Variants in SH3BP4 observed in about 807,000 individuals in gnomAD.
The protein encoded by SH3BP4 is SH3 domain binding protein 4.
SH3BP4 carries 33 observed loss-of-function variants against 65.5 expected under a neutral mutation model. That is an observed-to-expected ratio of 0.50 (90% CI 0.38 to 0.67). The LOEUF (loss-of-function observed/expected upper bound fraction) is 0.67, where lower values mean the gene tolerates loss of function less well. Among genes scored for constraint, SH3BP4 ranks in the 30% least tolerant of loss-of-function variants. The probability of loss-of-function intolerance (pLI) is 0.00; values close to 1 mark genes in which losing one functional copy is unlikely to be tolerated. For synonymous variants in SH3BP4, 552 were observed against 545.5 expected (o/e 1.01, Z -0.17); for missense variants, 1,134 against 1,261.4 (o/e 0.90, Z 1.53).
chr2:234,979,211 T>C (rs1447055281), intron 1 of SH3BP4, among the ~76,000 whole-genome samples: 2 of 152,204 alleles, frequency 1.3e-5, no homozygotes, highest in Non-Finnish European at 2.9e-5. Flanking sequence ...TAGCCACTAC[T>C]CAGGCCAAGA....
chr2:234,994,212 A>AG (rs1028504237), intron 1 of SH3BP4, among the ~76,000 whole-genome samples: 9 of 152,016 alleles, frequency 5.9e-5, no homozygotes, highest in Non-Finnish European at 1.2e-4. Flanking sequence ...AAGCCCTGAG[A>AG]GGGGGGATCT....
chr2:234,998,368 C>T (rs182440630), intron 2 of SH3BP4, among the ~76,000 whole-genome samples: 10 of 152,306 alleles, frequency 6.6e-5, no homozygotes, highest in East Asian at 3.9e-4. Context: ...TAAATTCACA[C>T]GACAGTTGAA....
At position 234,967,515 on chromosome 2, in the gene SH3BP4, G is replaced by A. The variant is rs939963960; in HGVS notation, c.-207+15345G>A. Among the ~76,000 whole-genome samples, 5 of 152,178 alleles carry A rather than the reference G, an allele frequency of 3.3e-5. No individual in the cohort carries two copies. The highest frequency in any genetic ancestry group is 2.0e-4 in the Admixed American group (3 of 15,278). On this transcript the variant is annotated intron_variant, in intron 1 of 5. Transcript: ENST00000392011. The surrounding 1 kb of genome is among the most constrained non-coding windows in gnomAD (Gnocchi z 4.6). ...TGCCTGCTTGGAGTCTCCTGCAGCA[G>A]TCCTCGACCTTCCAGCCCTGCAGCT...
chr2:235,001,946 C>G (rs554331834), intron 2 of SH3BP4, among the ~76,000 whole-genome samples: 2 of 152,064 alleles, frequency 1.3e-5, no homozygotes, highest in Non-Finnish European at 2.9e-5. Flanking sequence ...CTGCAACCTC[C>G]GCCTCCCGGG....
chr2:235,042,276 A>G lies in SH3BP4; in HGVS notation c.1507A>G (p.Thr503Ala), dbSNP rs1462276166. The change falls in exon 4 of 6, where the codon ACG becomes GCG. Residue 503 changes from threonine to alanine, a missense_variant. By Grantham distance (58) the Thr-to-Ala change is moderately conservative. Coordinates refer to ENST00000392011, the MANE Select transcript of SH3BP4 (RefSeq NM_014521.3). This position sits in a 1 kb window ranked among gnomAD's most constrained non-coding sequence, Gnocchi z 7.3. ...TIFGHDCAPK[T>A]LLVSEVTRQA... is the part of the protein sequence containing the mutation. ...TTTTGGGCATGACTGTGCCCCAAAG[A>G]CGCTCCTGGTCAGCGAGGTCACACG... is the stretch of plus-strand genomic sequence containing the variant. 4 of 1,613,964 alleles carry G rather than the reference A, an allele frequency of 2.5e-6. No homozygotes were observed. The highest frequency in any genetic ancestry group is 3.4e-6 in the Non-Finnish European group (4 of 1,180,044).
In SH3BP4 at chr2:234,989,082, T is replaced by A. The variant is rs183440360; in HGVS notation, c.-206-6221T>A. ...AAAGGCTTTTGTCCATCTATCAGAGTGTCGCTTTCTCAGTTCTGTAAATTG... is the reference window on the plus strand; with the variant it reads ...AAAGGCTTTTGTCCATCTATCAGAGAGTCGCTTTCTCAGTTCTGTAAATTG... On this transcript the variant is annotated intron_variant, in intron 1 of 5. Coordinates refer to ENST00000392011, the MANE Select transcript of SH3BP4 (RefSeq NM_014521.3). Among the ~76,000 whole-genome samples, 876 of 152,218 alleles carry A rather than the reference T, an allele frequency of 5.8e-3. 3 individuals carry two copies. The highest frequency in any genetic ancestry group is 9.2e-3 in the Non-Finnish European group (623 of 68,014).
rs532208992 is a variant in SH3BP4, at chr2:235,041,421, G to A, written c.652G>A (p.Asp218Asn). 8 of 1,614,032 alleles carry A rather than the reference G, an allele frequency of 5.0e-6. No homozygotes were observed. The highest frequency in any genetic ancestry group is 3.3e-5 in the Admixed American group (2 of 60,010). ...ATTNSTGNIFDELPVTNGLHA... is the reference protein window; with the variant it reads ...ATTNSTGNIFNELPVTNGLHA... Reference sequence around the variant, plus strand: ...CACGAATAGCACTGGCAACATCTTCGATGAGCTTCCAGTCACAAACGGACT... The same window carrying A: ...CACGAATAGCACTGGCAACATCTTCAATGAGCTTCCAGTCACAAACGGACT... The change falls in exon 4 of 6, where the codon GAT (aspartate) becomes AAT (asparagine). Residue 218 changes from aspartate to asparagine, a missense_variant. Coordinates refer to ENST00000392011, the MANE Select transcript of SH3BP4 (RefSeq NM_014521.3). The surrounding 1 kb of genome is among the most constrained non-coding windows in gnomAD (Gnocchi z 6.0).
chr2:235,022,973 A>G (rs907746565), intron 2 of SH3BP4, among the ~76,000 whole-genome samples: 7 of 152,158 alleles, frequency 4.6e-5, no homozygotes, highest in Admixed American at 2.6e-4. Context: ...CTTTCTAGCC[A>G]GTAGCCCATG....
At position 235,034,110 on chromosome 2, in the gene SH3BP4, T is replaced by C. The variant is rs957539277; in HGVS notation, c.-132-761T>C. ...AAGGGCCTGCTCAGAGCCAGTCACC[T>C]CATTCATATCCAGAACCCCCCACAT... is the stretch of plus-strand genomic sequence containing the variant. On this transcript the variant is annotated intron_variant, in intron 2 of 5. Transcript: ENST00000392011. The surrounding 1 kb of genome is among the most constrained non-coding windows in gnomAD (Gnocchi z 6.2). Among the ~76,000 whole-genome samples the C allele has an allele frequency of 5.3e-5, 8 of 151,996 alleles. No individual in the cohort carries two copies. Among genetic ancestry groups the C allele is most frequent in the African/African-American group, 1.9e-4 (8 of 41,370 alleles).
chr2:234,984,702 T>G (rs1251328358), intron 1 of SH3BP4, among the ~76,000 whole-genome samples: 1 of 152,072 alleles, frequency 6.6e-6, no homozygotes, highest in Non-Finnish European at 1.5e-5. Flanking sequence ...GTTACATCAC[T>G]CAGCTGAGTG....
At chr2:235,040,650 C>A (rs559143146) in intron 3 of SH3BP4, among the ~76,000 whole-genome samples, 2 of 151,892 alleles carry the variant, frequency 1.3e-5, no homozygotes, top group East Asian at 3.9e-4. Context: ...TGGAGAGGCT[C>A]CTCTGTGGTC....
chr2:234,964,000 A>G (rs1692777754), intron 1 of SH3BP4, among the ~76,000 whole-genome samples: 1 of 152,128 alleles, frequency 6.6e-6, no homozygotes, highest in African/African-American at 2.4e-5. Flanking sequence ...AGAGAGGAAA[A>G]CTAATTTATG....
chr2:234,982,184 A>T (rs1693408381), intron 1 of SH3BP4, among the ~76,000 whole-genome samples: 1 of 152,002 alleles, frequency 6.6e-6, no homozygotes, highest in Non-Finnish European at 1.5e-5. Flanking sequence ...GCCCAGCTAC[A>T]CTTTGAAGCC....
intron 1 of SH3BP4, among the ~76,000 whole-genome samples, chr2:234,987,564 C>T (rs917202471): frequency 1.3e-5 from 2 of 152,152 alleles, no homozygotes; most frequent in African/African-American, 4.8e-5. Context: ...AGGCCGCCTC[C>T]CCCCAACATG....
intron 1 of SH3BP4, among the ~76,000 whole-genome samples, chr2:234,968,673 C>G (rs6707478): frequency 6.6e-6 from 1 of 152,128 alleles, no homozygotes; most frequent in Non-Finnish European, 1.5e-5. Context: ...TCTCAAGAGA[C>G]GGGCTTGGGT....
Position 235,053,589 on chromosome 2 carries a change from C to G in SH3BP4, c.2668-3C>G, listed in dbSNP as rs1187988747. ...TTTTGTTTTTTACAACTCCACCTCC[C>G]AGGCCATGTGGAAGCCTGCGTATGA... On this transcript the variant is annotated splice_region_variant and splice_polypyrimidine_tract_variant and intron_variant, in intron 5 of 5. Transcript: ENST00000392011. 1 of 1,612,928 alleles carries G rather than the reference C, an allele frequency of 6.2e-7. No homozygotes were observed. Among genetic ancestry groups the G allele is most frequent in the Non-Finnish European group, 8.5e-7 (1 of 1,178,964 alleles).
At chr2:234,975,673 C>T (rs915849914) in intron 1 of SH3BP4, among the ~76,000 whole-genome samples, 9 of 152,104 alleles carry the variant, frequency 5.9e-5, no homozygotes, top group Non-Finnish European at 1.0e-4. Flanking sequence ...TCCAGGAGTT[C>T]AAATCCAGCC....
intron 1 of SH3BP4, among the ~76,000 whole-genome samples, chr2:234,971,852 C>T (rs1347690613): frequency 6.6e-6 from 1 of 151,856 alleles, no homozygotes; most frequent in African/African-American, 2.4e-5. Flanking sequence ...GAGTCTTGCT[C>T]TGTCGCTAGG....
At chr2:235,009,878 C>T (rs975497853) in intron 2 of SH3BP4, among the ~76,000 whole-genome samples, 6 of 151,986 alleles carry the variant, frequency 3.9e-5, no homozygotes, top group African/African-American at 4.8e-5. Flanking sequence ...TTGTGGTTTC[C>T]GCTCGCCACC....
Sources: allele counts gnomAD v4.1 joint callset (sites outside exome capture counted in the v4.1 genomes callset), GRCh38; gene constraint gnomAD v4.1.1; non-coding constraint Gnocchi (gnomAD v3.1); transcripts MANE v1.5; gene names NCBI Gene and HGNC (gene_info 2026-07-23, HGNC 2026-07-21).